Variants in PREX1 observed in about 807,000 individuals in gnomAD.
The protein encoded by PREX1 is phosphatidylinositol-3,4,5-trisphosphate dependent Rac exchange factor 1.
A neutral mutation model predicts 198.3 loss-of-function variants in PREX1; 41 were observed. That is an observed-to-expected ratio of 0.21 (90% CI 0.16 to 0.27). The LOEUF is 0.27. PREX1 is among the 10% of genes least tolerant of loss of function. The pLI is 1.00. For missense variants in PREX1, 1,620 were observed against 2,200.7 expected (o/e 0.74, Z 5.28); for synonymous variants, 843 against 887.2 (o/e 0.95, Z 0.89).
chr20:48,707,120 C>A (rs559569143), intron 6 of PREX1, among the ~76,000 whole-genome samples: 1 of 152,218 alleles, frequency 6.6e-6, no homozygotes, highest in Middle Eastern at 3.2e-3. Context: ...GGCGCCCGGG[C>A]CCTCTTCTAA....
the PREX1 span, among the ~76,000 whole-genome samples, chr20:48,845,910 G>A: frequency 6.6e-6 from 1 of 152,098 alleles, no homozygotes; most frequent in Admixed American, 6.6e-5. Context: ...TTTAAACAAG[G>A]ATGTAACATG....
intron 16 of PREX1, among the ~76,000 whole-genome samples, chr20:48,659,205 G>A (rs568215955): frequency 1.4e-3 from 163 of 117,782 alleles, no homozygotes; most frequent in African/African-American, 4.9e-3. Context: ...GGGAGGGGAG[G>A]GAAGAAAGAA....
chr20:48,831,074 C>T (rs1348045643), upstream of PREX1, among the ~76,000 whole-genome samples: 1 of 152,150 alleles, frequency 6.6e-6, no homozygotes, highest in African/African-American at 2.4e-5. Context: ...ACCCTCCTAT[C>T]CTCAGCATGG....
rs141574159 is a variant in PREX1, at chr20:48,712,025, G to A, written c.622-3604C>T. Among the ~76,000 whole-genome samples the A allele has an allele frequency of 4.6e-3, 699 of 152,278 alleles. 1 individual carries two copies. Among genetic ancestry groups the A allele is most frequent in the Non-Finnish European group, 7.7e-3 (523 of 68,020 alleles). On this transcript the variant is annotated intron_variant, in intron 5 of 39. Coordinates refer to ENST00000371941, the MANE Select transcript of PREX1 (RefSeq NM_020820.4). ...TGCCTTGACAGAAATAAGCTTAGAC[G>A]TTGTTTAAGCCACTCTTGTTTCAGA... is the stretch of plus-strand genomic sequence containing the variant.
At chr20:48,706,820 T>C (rs1403699193) in intron 6 of PREX1, among the ~76,000 whole-genome samples, 5 of 152,224 alleles carry the variant, frequency 3.3e-5, no homozygotes, top group African/African-American at 9.6e-5. Flanking sequence ...GGGGCTTTAC[T>C]TATTCACTGA....
At chr20:48,697,707 A>G (rs1188015055) in intron 7 of PREX1, among the ~76,000 whole-genome samples, 1 of 152,142 alleles carries the variant, frequency 6.6e-6, no homozygotes, top group Non-Finnish European at 1.5e-5. Flanking sequence ...ATGGCGACAC[A>G]CTACTGCTGC....
At chr20:48,784,344 C>T (rs2090302646) in intron 1 of PREX1, among the ~76,000 whole-genome samples, 1 of 152,122 alleles carries the variant, frequency 6.6e-6, no homozygotes, top group Admixed American at 6.5e-5. Flanking sequence ...ACTTGGTTCC[C>T]TCCTTGTTGA....
At chr20:48,739,603 C>T (rs2090072105) in intron 3 of PREX1, among the ~76,000 whole-genome samples, 1 of 152,122 alleles carries the variant, frequency 6.6e-6, no homozygotes, top group Admixed American at 6.5e-5. Flanking sequence ...GTTAAATTAC[C>T]CTCTGTTTCT....
At chr20:48,817,102 G>T (rs1478792031) in intron 1 of PREX1, among the ~76,000 whole-genome samples, 1 of 152,222 alleles carries the variant, frequency 6.6e-6, no homozygotes, top group Non-Finnish European at 1.5e-5. Flanking sequence ...AGCGTGTTCT[G>T]TGCCCTTTCA....
At chr20:48,720,653 T>C (rs991627783) in intron 5 of PREX1, among the ~76,000 whole-genome samples, 4 of 151,916 alleles carry the variant, frequency 2.6e-5, no homozygotes, top group African/African-American at 7.3e-5. Flanking sequence ...TAAAATCTTC[T>C]GGAAAGCTAT....
the PREX1 span, among the ~76,000 whole-genome samples, chr20:48,864,239 C>T: frequency 6.6e-6 from 1 of 152,206 alleles, no homozygotes; most frequent in Non-Finnish European, 1.5e-5. Context: ...CTTGTTCATT[C>T]ATTCATGCCT....
In PREX1 at chr20:48,790,005, C is replaced by T. The variant is rs147846562; in HGVS notation, c.219+37637G>A. On this transcript the variant is annotated intron_variant, in intron 1 of 39. Transcript: ENST00000371941. Reference sequence around the variant, plus strand: ...GTGCTCAACCAATATGCTGAATGAACCCATTAGCAAAGAAGTAGTAGAGTG... The same window carrying T: ...GTGCTCAACCAATATGCTGAATGAATCCATTAGCAAAGAAGTAGTAGAGTG... Among the ~76,000 whole-genome samples the T allele has an allele frequency of 1.3e-3, 192 of 152,220 alleles. 1 individual carries two copies. The highest frequency in any genetic ancestry group is 8.5e-3 in the East Asian group (44 of 5,174).
chr20:48,837,444 G>A, the PREX1 span, among the ~76,000 whole-genome samples: 1 of 152,200 alleles, frequency 6.6e-6, no homozygotes, highest in African/African-American at 2.4e-5. Context: ...TGGCAGACTG[G>A]ATAAAGACAA....
At chr20:48,651,147 A>AT (rs1183380250) in intron 22 of PREX1, 92 bp from the exon 23 acceptor site, 1 of 1,464,544 alleles carries the variant, frequency 6.8e-7, no homozygotes, top group Non-Finnish European at 9.2e-7. Flanking sequence ...TACTCGTAAT[A>AT]CCCCCCGGGA....
the PREX1 span, among the ~76,000 whole-genome samples, chr20:48,850,872 A>T: frequency 3.3e-5 from 5 of 152,164 alleles, no homozygotes; most frequent in Admixed American, 1.3e-4. Context: ...TTAGGGGTTG[A>T]CAAACTCTGG....
At chr20:48,651,268 G>T in intron 22 of PREX1, 128 bp downstream of exon 22, 1 of 1,385,530 alleles carries the variant, frequency 7.2e-7, no homozygotes, top group South Asian at 1.5e-5. Flanking sequence ...CCAGAATTCA[G>T]GACTCCAGGC....
intron 10 of PREX1, among the ~76,000 whole-genome samples, chr20:48,681,607 A>G (rs2089751220): frequency 6.6e-6 from 1 of 151,272 alleles, no homozygotes; most frequent in South Asian, 2.1e-4. Context: ...AGGAAGGGAG[A>G]GAGGGAGGGA....
At chr20:48,630,531 A>G (rs2089305552) in intron 36 of PREX1, among the ~76,000 whole-genome samples, 197 bp downstream of exon 36, 2 of 152,228 alleles carry the variant, frequency 1.3e-5, no homozygotes, top group Non-Finnish European at 1.5e-5. Context: ...GCCAGCGAAA[A>G]TAAATCATCC....
the PREX1 span, among the ~76,000 whole-genome samples, chr20:48,870,004 G>A: frequency 1.6e-4 from 24 of 152,178 alleles, no homozygotes; most frequent in Admixed American, 9.2e-4. Flanking sequence ...AGAACTTAAC[G>A]TAAAATTAAA....
Sources: allele counts gnomAD v4.1 joint callset (sites outside exome capture counted in the v4.1 genomes callset), GRCh38; gene constraint gnomAD v4.1.1; transcripts MANE v1.5; gene names NCBI Gene and HGNC (gene_info 2026-07-23, HGNC 2026-07-21).